The following MYO3B variants were observed in gnomAD, a reference collection of about 807,000 sequenced individuals.
MYO3B encodes myosin IIIB.
MYO3B carries 156 observed loss-of-function variants against 174.6 expected under a neutral mutation model. The observed-to-expected ratio is 0.89, with a 90% CI of 0.78 to 1.02. The LOEUF (loss-of-function observed/expected upper bound fraction) is 1.02. Among genes scored for constraint, MYO3B ranks in the 50% least tolerant of loss-of-function variants. The probability of loss-of-function intolerance (pLI) is 0.00; values close to 1 mark genes in which losing one functional copy is unlikely to be tolerated. For missense variants in MYO3B, 1,632 were observed against 1,639.4 expected, an observed-to-expected ratio of 1.00 and a Z score of 0.08; for synonymous variants, 563 against 569.1, an observed-to-expected ratio of 0.99 and a Z score of 0.15.
chr2:170,343,508 C>T (rs1406363565), intron 8 of MYO3B: 2 of 152,198 alleles, frequency 1.3e-5, no homozygotes, highest in African/African-American at 4.8e-5. Flanking sequence ...GCCCAGGTAA[C>T]ACCTTCTCCA....
At chr2:170,467,971 A>G (rs953884380) in intron 25 of MYO3B, among the ~76,000 whole-genome samples, 6 of 152,156 alleles carry the variant, frequency 3.9e-5, no homozygotes, top group Non-Finnish European at 8.8e-5. Context: ...TTGACTAGTC[A>G]AGTATTTTTT....
intron 32 of MYO3B, among the ~76,000 whole-genome samples, chr2:170,606,312 C>G (rs1490329948): frequency 1.3e-5 from 2 of 152,220 alleles, no homozygotes; most frequent in Non-Finnish European, 2.9e-5. Context: ...CCCTTCCTCA[C>G]TACATTCTAG....
At position 170,383,081 on chromosome 2, in the gene MYO3B, T is replaced by C; in HGVS notation, c.1077T>C (p.Ile359=). The C allele has an allele frequency of 6.2e-7, 1 of 1,603,734 alleles. No individual in the cohort carries two copies. Among genetic ancestry groups the C allele is most frequent in the African/African-American group, 1.3e-5 (1 of 74,852 alleles). The change falls in exon 11 of 35, where the codon ATT becomes ATC. Residue 359 remains isoleucine (I), a synonymous_variant. Coordinates refer to ENST00000408978, the MANE Select transcript of MYO3B (RefSeq NM_138995.5). Reference sequence around the variant, plus strand: ...ATTTATCCTCTTCTTAGGATACAATTATCCATCAGTTGCAGAAACGTTATG... The same window carrying C: ...ATTTATCCTCTTCTTAGGATACAATCATCCATCAGTTGCAGAAACGTTATG... ...VNLEVLDEDT[I]IHQLQKRYAD... is the part of the protein sequence containing the mutation.
At chr2:170,648,717 A>AATATATATTATATTCTAT (rs1258444791) in intron 32 of MYO3B, among the ~76,000 whole-genome samples, 1,348 of 42,112 alleles carry the variant, frequency 0.032, 35 homozygotes, top group Non-Finnish European at 0.059. Flanking sequence ...TATTCTATAT[A>AATATATATTATATTCTAT]ATATGTAAAA....
At chr2:170,287,610 T>C (rs1447440268) in intron 7 of MYO3B, among the ~76,000 whole-genome samples, 1 of 152,094 alleles carries the variant, frequency 6.6e-6, no homozygotes, top group Admixed American at 6.6e-5. Flanking sequence ...TTGTTTGAGC[T>C]CCTTATATAT....
At chr2:170,501,307 A>G (rs1215767531) in intron 27 of MYO3B, among the ~76,000 whole-genome samples, 1 of 151,782 alleles carries the variant, frequency 6.6e-6, no homozygotes, top group Non-Finnish European at 1.5e-5. Context: ...GCTACTTATC[A>G]TTTCCCTTAA....
intron 3 of MYO3B, 86 bp from the exon 4 acceptor site, chr2:170,214,293 A>C: frequency 2.0e-6 from 2 of 1,016,954 alleles, no homozygotes; most frequent in Non-Finnish European, 3.0e-6. Flanking sequence ...TTGAATCAGT[A>C]TCAGTCGGCT....
chr2:170,642,195 CTCATTCAT>C (rs112933967), intron 32 of MYO3B, among the ~76,000 whole-genome samples: 5 of 151,908 alleles, frequency 3.3e-5, no homozygotes, highest in Admixed American at 1.3e-4. Flanking sequence ...CACTCATTCA[CTCATTCAT>C]TCATTCATTC....
At chr2:170,310,562 G>A (rs1288527639) in intron 7 of MYO3B, among the ~76,000 whole-genome samples, 1 of 151,284 alleles carries the variant, frequency 6.6e-6, no homozygotes, top group East Asian at 2.0e-4. Flanking sequence ...TACTTGGGAG[G>A]CTGAGGCAGG....
chr2:170,454,004 G>C (rs139086447), intron 23 of MYO3B, among the ~76,000 whole-genome samples: 1 of 152,222 alleles, frequency 6.6e-6, no homozygotes, highest in East Asian at 1.9e-4. Flanking sequence ...ACTTACAGAG[G>C]GTTCTTCAAG....
chr2:170,272,544 A>G (rs554744271), intron 7 of MYO3B, among the ~76,000 whole-genome samples: 43 of 152,314 alleles, frequency 2.8e-4, no homozygotes, highest in African/African-American at 9.1e-4. Flanking sequence ...GACCAAGGCA[A>G]TGAATGCAGT....
chr2:170,407,216 C>CTTTG (rs925269035), intron 21 of MYO3B, among the ~76,000 whole-genome samples: 28 of 152,276 alleles, frequency 1.8e-4, no homozygotes, highest in Admixed American at 1.8e-3. Context: ...AATCCCAGCA[C>CTTTG]TTTGGGAGGC....
chr2:170,617,379 A>G (rs1219711813), intron 32 of MYO3B, among the ~76,000 whole-genome samples: 1 of 152,244 alleles, frequency 6.6e-6, no homozygotes, highest in Non-Finnish European at 1.5e-5. Flanking sequence ...ATACAAGTAT[A>G]CAAGTAACAA....
intron 28 of MYO3B, among the ~76,000 whole-genome samples, chr2:170,502,321 G>A (rs984831603): frequency 6.6e-6 from 1 of 152,196 alleles, no homozygotes; most frequent in African/African-American, 2.4e-5. Context: ...TCCAGAAGGT[G>A]CCTTCCCATT....
In MYO3B at chr2:170,200,165, A is replaced by G. The variant is rs1294235459; in HGVS notation, c.202A>G (p.Ile68Val). Residue 68 changes from isoleucine (I) to valine (V), a missense_variant, in exon 3 of 35, where the codon ATT (isoleucine) becomes GTT (valine). By Grantham distance (29) the Ile-to-Val change is conservative (BLOSUM62 3). Coordinates refer to ENST00000408978, the MANE Select transcript of MYO3B (RefSeq NM_138995.5). The part of the protein sequence containing the change: ...LDPVSDMDEE[I>V]EAEYNILQFL... Reference sequence around the variant, plus strand: ...CCCTGTTTAGGATATGGATGAAGAAATTGAGGCAGAATACAACATTTTGCA... The same window carrying G: ...CCCTGTTTAGGATATGGATGAAGAAGTTGAGGCAGAATACAACATTTTGCA... 3.1e-6 allele frequency: 5 copies of G among 1,612,948 alleles called. No individual in the cohort carries two copies. Among genetic ancestry groups the G allele is most frequent in the Non-Finnish European group, 8.5e-7 (1 of 1,179,418 alleles).
intron 8 of MYO3B, among the ~76,000 whole-genome samples, chr2:170,367,902 A>G (rs2094210652): frequency 1.3e-5 from 2 of 152,194 alleles, no homozygotes; most frequent in Non-Finnish European, 2.9e-5. Flanking sequence ...AAGCAGCTGA[A>G]TGGAGATAAT....
At chr2:170,429,515 A>G (rs1403462247) in intron 22 of MYO3B, among the ~76,000 whole-genome samples, 1 of 152,170 alleles carries the variant, frequency 6.6e-6, no homozygotes, top group South Asian at 2.1e-4. Flanking sequence ...TGGTATTTTC[A>G]CTGGAAGGGA....
chr2:170,283,000 G>T (rs1339512533), intron 7 of MYO3B, among the ~76,000 whole-genome samples: 5 of 152,134 alleles, frequency 3.3e-5, no homozygotes, highest in Non-Finnish European at 7.4e-5. Context: ...AGTCCTCTGG[G>T]TGGACTCAGG....
intron 23 of MYO3B, among the ~76,000 whole-genome samples, chr2:170,458,584 A>T (rs1275196567): frequency 1.3e-5 from 2 of 152,252 alleles, no homozygotes; most frequent in Non-Finnish European, 2.9e-5. Context: ...TTGGTTAAAA[A>T]ATTAAATGAT....
Sources: allele counts gnomAD v4.1 joint callset (sites outside exome capture counted in the v4.1 genomes callset), GRCh38; gene constraint gnomAD v4.1.1; transcripts MANE v1.5; gene names NCBI Gene and HGNC (gene_info 2026-07-23, HGNC 2026-07-21).